NRXN3: variants seen among roughly 807,000 people sequenced by gnomAD.
NRXN3 encodes neurexin 3.
A neutral mutation model predicts 137.6 loss-of-function variants in NRXN3; 32 were observed. The ratio of observed to expected loss-of-function variants is 0.23; its 90% confidence interval spans 0.18 to 0.31. NRXN3 has a LOEUF of 0.31. Ranked by LOEUF, NRXN3 falls within the 10% of genes least tolerant of loss-of-function variation. NRXN3 has a pLI of 1.00. For missense variants in NRXN3, 1,574 were observed against 2,062.5 expected (o/e 0.76, Z 4.59); for synonymous variants, 798 against 784.5 (o/e 1.02, Z -0.29).
intron 15 of NRXN3, among the ~76,000 whole-genome samples, chr14:79,220,731 T>A (rs2069445079): frequency 6.6e-6 from 1 of 152,042 alleles, no homozygotes; most frequent in South Asian, 2.1e-4. Flanking sequence ...TTAAGTGTCT[T>A]CCATATCTTT....
At chr14:79,561,822 C>T (rs957014171) in intron 16 of NRXN3, among the ~76,000 whole-genome samples, 9 of 152,080 alleles carry the variant, frequency 5.9e-5, no homozygotes, top group Non-Finnish European at 1.3e-4. Flanking sequence ...AAAAAAAGCT[C>T]CAGGTTAAGG....
chr14:79,821,555 C>A (rs566254701), intron 20 of NRXN3, among the ~76,000 whole-genome samples: 1 of 152,114 alleles, frequency 6.6e-6, no homozygotes, highest in African/African-American at 2.4e-5. Context: ...TAAATATAGC[C>A]CTTTCATAAA....
intron 16 of NRXN3, among the ~76,000 whole-genome samples, chr14:79,610,993 C>T (rs2098091350): frequency 6.6e-6 from 1 of 152,128 alleles, no homozygotes; most frequent in South Asian, 2.1e-4. Context: ...GGGTTTTCTA[C>T]TTGGGCATAG....
At chr14:78,847,529 G>A (rs1006700070) in intron 10 of NRXN3, among the ~76,000 whole-genome samples, 2 of 152,064 alleles carry the variant, frequency 1.3e-5, no homozygotes, top group Admixed American at 1.3e-4. Context: ...GGAGGAAATC[G>A]AGTGAAGTGA....
At chr14:79,479,768 C>G (rs996180300) in intron 16 of NRXN3, among the ~76,000 whole-genome samples, 12 of 152,000 alleles carry the variant, frequency 7.9e-5, no homozygotes, top group East Asian at 3.9e-4. Context: ...CTAATTACCC[C>G]CAAGCCACTT....
chr14:79,180,748 A>C (rs1333997432), intron 15 of NRXN3, among the ~76,000 whole-genome samples: 2 of 152,130 alleles, frequency 1.3e-5, no homozygotes, highest in African/African-American at 4.8e-5. Flanking sequence ...ATAATTGAAA[A>C]AATTGATAAT....
At chr14:78,563,714 C>A (rs1202099974) in intron 4 of NRXN3, among the ~76,000 whole-genome samples, 1 of 152,126 alleles carries the variant, frequency 6.6e-6, no homozygotes, top group African/African-American at 2.4e-5. Flanking sequence ...GAAATAAGAC[C>A]TAGGATTTTG....
intron 4 of NRXN3, among the ~76,000 whole-genome samples, chr14:78,420,856 T>G (rs2153676443): frequency 6.6e-6 from 1 of 152,134 alleles, no homozygotes; most frequent in African/African-American, 2.4e-5. Context: ...TACAAGTGGG[T>G]TTTTGAAATG....
intron 4 of NRXN3, among the ~76,000 whole-genome samples, chr14:78,578,205 C>T (rs1482263627): frequency 6.6e-6 from 1 of 152,118 alleles, no homozygotes. Context: ...CATAATTTAT[C>T]ATAGGCATCA....
At chr14:79,670,069 T>C (rs1010612137) in intron 17 of NRXN3, among the ~76,000 whole-genome samples, 3 of 152,090 alleles carry the variant, frequency 2.0e-5, no homozygotes, top group African/African-American at 7.2e-5. Context: ...TGTTTTATTA[T>C]GTACTTATGT....
At position 78,842,698 on chromosome 14, in the gene NRXN3, A is replaced by G. The variant is rs138103292; in HGVS notation, c.2275+32354A>G. Among the ~76,000 whole-genome samples, 275 of 152,178 alleles carry G rather than the reference A, an allele frequency of 1.8e-3. 1 individual carries two copies. Among genetic ancestry groups the G allele is most frequent in the Admixed American group, 3.9e-3 (60 of 15,270 alleles). ...AGGAGATTGGGGCTTATTTCATCCC[A>G]CAGCTGTGACCATAAAAGACAGCCG... On this transcript the variant is annotated intron_variant, in intron 10 of 20. Coordinates refer to ENST00000335750, the MANE Select transcript of NRXN3 (RefSeq NM_001330195.2).
At chr14:79,192,314 AAGTGCTTAGCTC>A (rs145218298) in intron 15 of NRXN3, among the ~76,000 whole-genome samples, 5,421 of 152,278 alleles carry the variant, frequency 0.036, 232 homozygotes, top group East Asian at 0.21. Context: ...GTCAAGATTA[AAGTGCTTAGCTC>A]AGTGCTTGAC....
intron 15 of NRXN3, among the ~76,000 whole-genome samples, chr14:79,040,687 C>G (rs1051499068): frequency 6.6e-6 from 1 of 151,914 alleles, no homozygotes; most frequent in Non-Finnish European, 1.5e-5. Context: ...AGAGGGGTCC[C>G]GGAAGAGGGT....
chr14:78,480,559 A>T (rs915293745), intron 4 of NRXN3, among the ~76,000 whole-genome samples: 2 of 152,198 alleles, frequency 1.3e-5, no homozygotes, highest in Non-Finnish European at 2.9e-5. Flanking sequence ...TTGTTTTCAC[A>T]GTTGACCTGA....
In NRXN3 at chr14:79,094,979, A is replaced by AGAGAGAGTGTGT. The variant is rs553957969; in HGVS notation, c.3262+106839_3262+106840insAGAGAGTGTGTG. Among the ~76,000 whole-genome samples, 609 of 115,894 alleles carry AGAGAGAGTGTGT rather than the reference A, an allele frequency of 5.3e-3. 4 individuals carry two copies. Among genetic ancestry groups the AGAGAGAGTGTGT allele is most frequent in the Admixed American group, 0.024 (268 of 11,014 alleles). 76.0% of individuals were successfully genotyped at this position (115,894 alleles called of 152,430 possible). ...GAGAGAGAGAGAGAGAGAGAGAGAG[A>AGAGAGAGTGTGT]GTGTGTGTGTGTGTGTGTGTGTGTG... On this transcript the variant is annotated intron_variant, in intron 15 of 20. Coordinates refer to ENST00000335750, the MANE Select transcript of NRXN3 (RefSeq NM_001330195.2).
chr14:79,490,268 A>G (rs1462850374), intron 16 of NRXN3, among the ~76,000 whole-genome samples: 1 of 152,134 alleles, frequency 6.6e-6, no homozygotes, highest in African/African-American at 2.4e-5. Context: ...TTCCTCAAAA[A>G]CTAAAAAATT....
rs183030888 is a variant in NRXN3, at chr14:79,350,511, A to G, written c.3263-116710A>G. 4.8e-4 allele frequency among the ~76,000 whole-genome samples: 73 copies of G among 152,304 alleles called. 1 individual carries two copies. Among genetic ancestry groups the G allele is most frequent in the African/African-American group, 1.6e-3 (68 of 41,556 alleles). ...TGATTTATCAGGCTTATCATTTTATATTGAAGTCCATAAACTCTCTCTTCT... is the reference window on the plus strand; with the variant it reads ...TGATTTATCAGGCTTATCATTTTATGTTGAAGTCCATAAACTCTCTCTTCT... On this transcript the variant is annotated intron_variant, in intron 15 of 20. Transcript: ENST00000335750.
rs184077865 is a variant in NRXN3 at position 78,249,029 on chromosome 14, T to A, written c.709+5227T>A. 6.6e-3 allele frequency among the ~76,000 whole-genome samples: 1,005 copies of A among 152,348 alleles called. 34 individuals carry two copies. The highest frequency in any genetic ancestry group is 0.058 in the Admixed American group (894 of 15,308). The stretch of plus-strand genomic sequence containing the variant: ...TTTCCTGGGTATACTGTATGCTAAA[T>A]GGCAGAGCAGCCGCCTGCCACTTGC... On this transcript the variant is annotated intron_variant, in intron 2 of 20. Coordinates refer to ENST00000335750, the MANE Select transcript of NRXN3 (RefSeq NM_001330195.2).
intron 8 of NRXN3, among the ~76,000 whole-genome samples, chr14:78,731,654 ATTC>A (rs1208400770): frequency 6.6e-6 from 1 of 150,572 alleles, no homozygotes; most frequent in Non-Finnish European, 1.5e-5. Context: ...TGTGTATTCT[ATTC>A]TTGAATATAT....
Sources: gnomAD v4.1 joint callset for allele counts (sites outside exome capture counted in the v4.1 genomes callset) on GRCh38, gnomAD v4.1.1 for gene constraint, MANE v1.5 for transcripts, NCBI Gene and HGNC (gene_info 2026-07-23, HGNC 2026-07-21) for gene names.